The following TRPM2 variants were observed in gnomAD, a reference collection of about 807,000 sequenced individuals.
The protein encoded by TRPM2 is transient receptor potential cation channel subfamily M member 2.
In TRPM2, 161 loss-of-function variants were observed where a neutral mutation model predicts 174.0. That is an observed-to-expected ratio of 0.93 (90% CI 0.81 to 1.05). TRPM2 has a LOEUF of 1.05. Among genes scored for constraint, TRPM2 ranks in the 50% least tolerant of loss-of-function variants. TRPM2 has a pLI of 0.00. For synonymous variants in TRPM2, 954 were observed against 861.3 expected (o/e 1.11, Z -1.88); for missense variants, 2,057 against 2,038.0 (o/e 1.01, Z -0.18).
chr21:44,412,139 T>G (rs1157167373), intron 19 of TRPM2, among the ~76,000 whole-genome samples: 2 of 152,214 alleles, frequency 1.3e-5, no homozygotes, highest in Non-Finnish European at 2.9e-5. Context: ...TTCCTCCTCT[T>G]ATATTTTGGA....
intron 2 of TRPM2, among the ~76,000 whole-genome samples, chr21:44,357,811 C>A (rs1238585709): frequency 5.3e-5 from 8 of 152,190 alleles, no homozygotes; most frequent in African/African-American, 1.9e-4. Flanking sequence ...GAAAGCAGGC[C>A]CCTCTGAGAA....
At chr21:44,352,034 C>A (rs1483559082), upstream of TRPM2, among the ~76,000 whole-genome samples, 1 of 152,236 alleles carries the variant, frequency 6.6e-6, no homozygotes, top group Non-Finnish European at 1.5e-5. Flanking sequence ...GGGTGGACCG[C>A]CTGCCTGGGG....
intron 12 of TRPM2, among the ~76,000 whole-genome samples, chr21:44,396,525 G>A (rs866229305): frequency 4.6e-4 from 15 of 32,264 alleles, no homozygotes; most frequent in Non-Finnish European, 4.3e-4. Flanking sequence ...GGAGGCTGTG[G>A]AGGGGTGTGG....
At chr21:44,358,487 C>A (rs974426099) in intron 2 of TRPM2, among the ~76,000 whole-genome samples, 4 of 152,186 alleles carry the variant, frequency 2.6e-5, no homozygotes, top group African/African-American at 9.7e-5. Flanking sequence ...CCTATCTGGG[C>A]CGAGTTCCGA....
chr21:44,377,900 G>A (rs560376028), intron 7 of TRPM2, 127 bp downstream of exon 7: 1 of 1,100,748 alleles, frequency 9.1e-7, no homozygotes, highest in East Asian at 2.5e-5. Flanking sequence ...CCCACCAGAA[G>A]AAGAGAAAGA....
At chr21:44,440,305 A>AGCCTGGGG (rs1555907334) in intron 30 of TRPM2, among the ~76,000 whole-genome samples, 13 of 6,484 alleles carry the variant, frequency 2.0e-3, no homozygotes, top group South Asian at 5.2e-3. Context: ...CACTGCGCTC[A>AGCCTGGGG]AAAAAAAAAA....
Position 44,438,191 on chromosome 21 carries a change from C to T in TRPM2, c.4168-876C>T, listed in dbSNP as rs2051350736. 6.6e-6 allele frequency among the ~76,000 whole-genome samples: 1 copy of T among 152,236 alleles called. No homozygotes were observed. The highest frequency in any genetic ancestry group is 2.4e-5 in the African/African-American group (1 of 41,466). On this transcript the variant is annotated intron_variant, in intron 29 of 31. Coordinates refer to ENST00000397928, the MANE Select transcript of TRPM2 (RefSeq NM_003307.4). This position sits in a 1 kb window ranked among gnomAD's most constrained non-coding sequence, Gnocchi z 5.9. ...GAACCACCCCCGCAGCAGAGGGGGCCTTTGGCCTTGGGGTCCCCTTGCTGC... is the reference window on the plus strand; with the variant it reads ...GAACCACCCCCGCAGCAGAGGGGGCTTTTGGCCTTGGGGTCCCCTTGCTGC...
Position 44,391,138 on chromosome 21 carries a change from G to A in TRPM2, c.1440+113G>A. On this transcript the variant is annotated intron_variant, in intron 10 of 31. Coordinates refer to ENST00000397928, the MANE Select transcript of TRPM2 (RefSeq NM_003307.4). The surrounding 1 kb of genome is among the most constrained non-coding windows in gnomAD (Gnocchi z 5.0). ...TCTGGATCCCAGCCCTTCCCTTGAG[G>A]GTGGGTGACCTGGGCAGCTTTCATC... The A allele has an allele frequency of 6.4e-7, 1 of 1,566,834 alleles. No individual in the cohort carries two copies. Among genetic ancestry groups the A allele is most frequent in the Non-Finnish European group, 8.7e-7 (1 of 1,151,540 alleles).
chr21:44,414,363 C>T (rs569865472), intron 20 of TRPM2, among the ~76,000 whole-genome samples: 24 of 152,356 alleles, frequency 1.6e-4, no homozygotes, highest in Non-Finnish European at 2.6e-4. Flanking sequence ...GGTGCTGCTG[C>T]GGAGGCAGCC....
At chr21:44,373,487 G>A (rs576768983) in intron 5 of TRPM2, among the ~76,000 whole-genome samples, 7 of 152,280 alleles carry the variant, frequency 4.6e-5, no homozygotes, top group East Asian at 1.9e-4. Flanking sequence ...GCGCTTGGCC[G>A]TTGGCCTTCT....
chr21:44,358,455 C>T (rs527589788), intron 2 of TRPM2, among the ~76,000 whole-genome samples: 7 of 152,306 alleles, frequency 4.6e-5, no homozygotes, highest in African/African-American at 1.2e-4. Context: ...CGTGGGGTGC[C>T]GGGGGTGGTG....
chr21:44,406,907 G>A (rs1601175288), intron 19 of TRPM2, 142 bp downstream of exon 19: 6 of 1,142,800 alleles, frequency 5.3e-6, no homozygotes, highest in South Asian at 1.5e-5. Flanking sequence ...CTCCCTGGGG[G>A]CATTCATTCC....
chr21:44,406,797 G>T, intron 19 of TRPM2, 32 bp downstream of exon 19: 2 of 1,574,392 alleles, frequency 1.3e-6, no homozygotes, highest in East Asian at 2.3e-5. Flanking sequence ...AGCTCGGGTG[G>T]TGCTGCCGGG....
chr21:44,401,816 G>A lies in TRPM2; in HGVS notation c.2457G>A (p.Val819=). The change falls in exon 16 of 32, where the codon GTG becomes GTA. Residue 819 remains valine, a synonymous_variant. Coordinates refer to ENST00000397928, the MANE Select transcript of TRPM2 (RefSeq NM_003307.4). ...GCCTGTTCGCCTACGTGCTCATGGT[G>A]GACTTCCAGCCTGTGCCCTCCTGGT... ...FLCLFAYVLM[V]DFQPVPSWCE... is the part of the protein sequence containing the mutation. 6.2e-7 allele frequency: 1 copy of A among 1,613,924 alleles called. No individual in the cohort carries two copies. Among genetic ancestry groups the A allele is most frequent in the Non-Finnish European group, 8.5e-7 (1 of 1,180,024 alleles).
rs755880099 is a variant in TRPM2, at chr21:44,417,993, C to T, written c.3213C>T (p.Ile1071=). The part of the protein sequence containing the change: ...QIWKFQRHDL[I]EEYHGRPAAP... The stretch of plus-strand genomic sequence containing the variant: ...GGAAGTTCCAGCGCCATGACCTGAT[C>T]GAGGAGTACCACGGCCGCCCCGCCG... Residue 1071 remains isoleucine, a synonymous_variant, in exon 21 of 32, where the codon ATC becomes ATT. Coordinates refer to ENST00000397928, the MANE Select transcript of TRPM2 (RefSeq NM_003307.4). The T allele has an allele frequency of 3.3e-5, 53 of 1,612,898 alleles. No homozygotes were observed. The highest frequency in any genetic ancestry group is 6.7e-5 in the East Asian group (3 of 44,886).
intron 22 of TRPM2, chr21:44,423,374 A>G (rs1254111812): frequency 2.2e-6 from 1 of 458,724 alleles, no homozygotes; most frequent in Non-Finnish European, 4.0e-6. Flanking sequence ...CAGTTCACTC[A>G]CCTCCCCCTC....
At chr21:44,355,446 C>T (rs750015383) in intron 2 of TRPM2, among the ~76,000 whole-genome samples, 1 of 152,232 alleles carries the variant, frequency 6.6e-6, no homozygotes. Flanking sequence ...TACTCCATTG[C>T]CTGGTGAGCT....
chr21:44,441,727 A>G lies in TRPM2; in HGVS notation c.4422A>G (p.Arg1474=), dbSNP rs1212658062. The change falls in exon 32 of 32, where the codon CGA becomes CGG. Residue 1474 remains arginine, a synonymous_variant. Transcript: ENST00000397928. ...LHACDSGASI[R]WQVVDRRIPL... ...CCTGCGACTCGGGGGCCTCCATCCG[A>G]TGGCAGGTGGTGGACAGGCGCATCC... is the stretch of plus-strand genomic sequence containing the variant. 6.2e-7 allele frequency: 1 copy of G among 1,611,756 alleles called. No homozygotes were observed. The highest frequency in any genetic ancestry group is 8.5e-7 in the Non-Finnish European group (1 of 1,179,060).
intron 25 of TRPM2, 60 bp downstream of exon 25, chr21:44,425,887 G>A (rs1370349335): frequency 3.6e-5 from 52 of 1,445,412 alleles, no homozygotes; most frequent in South Asian, 1.3e-4. Flanking sequence ...AGGGGAGGGC[G>A]GCCCTGTCCC....
Sources: gnomAD v4.1 joint callset for allele counts (sites outside exome capture counted in the v4.1 genomes callset) on GRCh38, gnomAD v4.1.1 for gene constraint, Gnocchi (gnomAD v3.1) non-coding constraint, MANE v1.5 for transcripts, NCBI Gene and HGNC (gene_info 2026-07-23, HGNC 2026-07-21) for gene names.